The following NDUFA10 variants were observed in gnomAD, a reference collection of about 807,000 sequenced individuals.
NDUFA10 encodes the protein NADH dehydrogenase [ubiquinone] 1 alpha subcomplex subunit 10, mitochondrial.
In NDUFA10, 40 loss-of-function variants were observed where a neutral mutation model predicts 47.8. The ratio of observed to expected loss-of-function variants is 0.84; its 90% CI spans 0.65 to 1.09. NDUFA10 has a LOEUF of 1.09. Ranked by LOEUF, NDUFA10 falls within the 50% of genes least tolerant of loss-of-function variation. The pLI is 0.00. For synonymous variants in NDUFA10, 183 were observed against 172.2 expected (o/e 1.06, Z -0.49); for missense variants, 413 against 451.1 (o/e 0.92, Z 0.76).
intron 9 of NDUFA10, among the ~76,000 whole-genome samples, chr2:239,989,715 A>G (rs1696165216): frequency 6.6e-6 from 1 of 152,258 alleles, no homozygotes; most frequent in Admixed American, 6.5e-5. Flanking sequence ...CCTTCTGCAG[A>G]AATGGAACCC....
At chr2:240,007,425 AT>A in intron 6 of NDUFA10, 55 bp from the exon 7 acceptor site, 2 of 1,234,178 alleles carry the variant, frequency 1.6e-6, no homozygotes, top group Non-Finnish European at 2.4e-6. Context: ...CTGAAGTTAA[AT>A]GTACAAATGA....
intron 4 of NDUFA10, 33 bp downstream of exon 4, chr2:240,018,520 A>T: frequency 6.2e-7 from 1 of 1,614,214 alleles, no homozygotes; most frequent in Non-Finnish European, 8.5e-7. Context: ...GTCGCACCAC[A>T]CACCCAGAAG....
At chr2:240,013,338 TAAG>T (rs1024989316) in intron 5 of NDUFA10, 15 of 152,352 alleles carry the variant, frequency 9.8e-5, no homozygotes, top group African/African-American at 2.9e-4. Context: ...TTGGAAAAAT[TAAG>T]AAGTTGACAG....
Position 239,990,236 on chromosome 2 carries a change from AAAG to A in NDUFA10, c.891-57_891-55del, listed in dbSNP as rs548522048. Reference sequence around the variant, plus strand: ...CCAAACCATCAAAATAAATACAATAAAAGAAGTGTAAGTCCGATTTTTTTTAAA... The same window carrying A: ...CCAAACCATCAAAATAAATACAATAAAAGTGTAAGTCCGATTTTTTTTAAA... On this transcript the variant is annotated intron_variant, in intron 8 of 9. Transcript: ENST00000252711. The A allele has an allele frequency of 8.2e-4, 1,168 of 1,424,134 alleles. 18 individuals carry two copies. In the South Asian group the frequency reaches 0.011, roughly 13 times the overall value. 88.2% of individuals were successfully genotyped at this position (1,424,134 alleles called of 1,614,324 possible).
intron 9 of NDUFA10, among the ~76,000 whole-genome samples, chr2:239,985,962 G>A (rs1169644193): frequency 6.7e-6 from 1 of 148,164 alleles, no homozygotes; most frequent in South Asian, 2.2e-4. Flanking sequence ...ACCAGCCAAA[G>A]GCTCAAAGAG....
At chr2:239,986,920 C>A (rs1696025633) in intron 9 of NDUFA10, among the ~76,000 whole-genome samples, 1 of 150,434 alleles carries the variant, frequency 6.6e-6, no homozygotes, top group Non-Finnish European at 1.5e-5. Flanking sequence ...AAATGGGAAC[C>A]ATATGCCAAA....
At chr2:240,008,889 G>A (rs1697041455) in intron 6 of NDUFA10, among the ~76,000 whole-genome samples, 2 of 152,090 alleles carry the variant, frequency 1.3e-5, no homozygotes, top group Non-Finnish European at 2.9e-5. Flanking sequence ...AACAACCTCG[G>A]CAACAGACAA....
intron 4 of NDUFA10, among the ~76,000 whole-genome samples, chr2:239,952,019 C>T (rs1473460502): frequency 2.0e-5 from 3 of 152,330 alleles, no homozygotes; most frequent in South Asian, 2.1e-4. Flanking sequence ...GGGTGTGGGC[C>T]GGCAGGGGCC....
At chr2:239,917,190 T>TA (rs112840396) in intron 4 of NDUFA10, among the ~76,000 whole-genome samples, 27,176 of 151,852 alleles carry the variant, frequency 0.18, 2,938 homozygotes, top group African/African-American at 0.3. Context: ...ATTAAATAAA[T>TA]AATAAAAATA....
chr2:239,961,313 A>T, intron 9 of NDUFA10, 127 bp from the exon 10 acceptor site: 1 of 1,547,552 alleles, frequency 6.5e-7, no homozygotes, highest in Non-Finnish European at 8.8e-7. Context: ...TGGTGAGCAC[A>T]TGATCTGTGG....
At chr2:239,935,414 C>G (rs775439565) in intron 4 of NDUFA10, among the ~76,000 whole-genome samples, 7 of 152,208 alleles carry the variant, frequency 4.6e-5, no homozygotes, top group Admixed American at 2.6e-4. Context: ...CCCTGCAGGC[C>G]GACAGGGCCG....
At chr2:239,947,351 GC>G (rs1181447623) in intron 4 of NDUFA10, among the ~76,000 whole-genome samples, 4 of 152,220 alleles carry the variant, frequency 2.6e-5, no homozygotes, top group Admixed American at 2.6e-4. Flanking sequence ...AGCTCCTGAG[GC>G]CCACAGAGGA....
intron 9 of NDUFA10, among the ~76,000 whole-genome samples, chr2:239,968,210 C>T (rs368881007): frequency 1.2e-4 from 18 of 152,300 alleles, no homozygotes; most frequent in East Asian, 1.9e-4. Context: ...CTGACCAACA[C>T]GGAGAGAGGC....
chr2:239,930,290 T>C (rs10933591), intron 4 of NDUFA10, among the ~76,000 whole-genome samples: 122,503 of 149,254 alleles, frequency 0.82, 50,538 homozygotes, highest in African/African-American at 0.92. Context: ...CCTGCTCCTC[T>C]GCCACCCCTG....
intron 4 of NDUFA10, among the ~76,000 whole-genome samples, chr2:239,897,410 T>C (rs1368284271): frequency 6.9e-6 from 1 of 145,214 alleles, no homozygotes; most frequent in Admixed American, 6.8e-5. Context: ...TTTCTTGAAG[T>C]GAAAAAAAAA....
intron 8 of NDUFA10, among the ~76,000 whole-genome samples, chr2:239,998,749 A>G (rs928415981): frequency 1.3e-5 from 2 of 152,202 alleles, no homozygotes; most frequent in African/African-American, 2.4e-5. Context: ...AGGCAGAAAT[A>G]CTGCCCATAT....
intron 4 of NDUFA10, among the ~76,000 whole-genome samples, chr2:239,926,892 G>C (rs1694076091): frequency 6.6e-6 from 1 of 152,220 alleles, no homozygotes; most frequent in Non-Finnish European, 1.5e-5. Flanking sequence ...CAATCATGGT[G>C]GAGAGCGAAG....
intron 4 of NDUFA10, among the ~76,000 whole-genome samples, chr2:239,936,333 G>T (rs78288639): frequency 0.023 from 3,565 of 152,344 alleles, 147 homozygotes; most frequent in African/African-American, 0.081. Flanking sequence ...AATGGGCATT[G>T]CTCCTGGTGT....
chr2:239,897,744 G>A (rs549904917), intron 4 of NDUFA10, among the ~76,000 whole-genome samples: 158 of 152,232 alleles, frequency 1.0e-3, no homozygotes, highest in Admixed American at 2.6e-3. Flanking sequence ...ACCAAACCCT[G>A]CTGTTGGGAG....
Sources: gnomAD v4.1 joint callset for allele counts (sites outside exome capture counted in the v4.1 genomes callset) on GRCh38, gnomAD v4.1.1 for gene constraint, MANE v1.5 for transcripts, NCBI Gene and HGNC (gene_info 2026-07-23, HGNC 2026-07-21) for gene names.